Variants in TP63 observed in about 807,000 individuals in gnomAD.
The protein encoded by TP63 is tumor protein p63, also known as tumor protein 63.
A neutral mutation model predicts 82.8 loss-of-function variants in TP63; 17 were observed. The ratio of observed to expected loss-of-function variants is 0.21; its 90% confidence interval spans 0.14 to 0.31. The LOEUF is 0.31. TP63 is among the 10% of genes least tolerant of loss of function. The pLI is 1.00. For missense variants in TP63, 648 were observed against 895.3 expected (o/e 0.72, Z 3.52); for synonymous variants, 330 against 321.7 (o/e 1.03, Z -0.28).
At chr3:189,749,996 C>T (rs558618289) in intron 3 of TP63, among the ~76,000 whole-genome samples, 11 of 151,912 alleles carry the variant, frequency 7.2e-5, no homozygotes, top group Admixed American at 2.0e-4. Flanking sequence ...TGGCGGCAGG[C>T]GCCTATAGTC....
chr3:189,704,422 A>G (rs753978113), intron 1 of TP63, among the ~76,000 whole-genome samples: 1 of 152,230 alleles, frequency 6.6e-6, no homozygotes, highest in Non-Finnish European at 1.5e-5. Flanking sequence ...TTTAAATAAT[A>G]TCTACCTATT....
At chr3:189,847,373 A>G (rs999660494) in intron 4 of TP63, among the ~76,000 whole-genome samples, 3 of 138,608 alleles carry the variant, frequency 2.2e-5, no homozygotes. Flanking sequence ...AACAAAAATA[A>G]TCATCATCAT....
At chr3:189,731,857 A>G (rs1013236908) in intron 1 of TP63, among the ~76,000 whole-genome samples, 1 of 152,218 alleles carries the variant, frequency 6.6e-6, no homozygotes, top group East Asian at 1.9e-4. Flanking sequence ...CCCAAAGGTA[A>G]AGACTTGGAA....
rs183261388 is a variant in TP63, at chr3:189,649,710, A to G, written c.62+18133A>G. On this transcript the variant is annotated intron_variant, in intron 1 of 13. Transcript: ENST00000264731. The stretch of plus-strand genomic sequence containing the variant: ...CAGATTAAGAGACTCAATGAATTCA[A>G]CTGCATTTTAGAGATCTGAGCGACA... Among the ~76,000 whole-genome samples the G allele has an allele frequency of 1.5e-4, 22 of 146,806 alleles. 1 individual carries two copies. The highest frequency in any genetic ancestry group is 2.1e-4 in the Non-Finnish European group (14 of 67,272).
At chr3:189,868,383 A>G (rs1202908330) in intron 7 of TP63, among the ~76,000 whole-genome samples, 197 bp from the exon 8 acceptor site, 4 of 152,264 alleles carry the variant, frequency 2.6e-5, no homozygotes, top group Non-Finnish European at 5.9e-5. Context: ...ATGGAATGTT[A>G]TTTACTAATA....
chr3:189,889,359 C>T lies in TP63; in HGVS notation c.1527C>T (p.His509=), dbSNP rs1720780438. ...MGANIPMMGT[H]MPMAGDMNGL... ...GTTCAGTTCCCATGATGGGCACCCA[C>T]ATGCCAATGGCTGGAGACATGAATG... is the stretch of plus-strand genomic sequence containing the variant. The change falls in exon 12 of 14, where the codon CAC becomes CAT. Residue 509 remains histidine (H), a synonymous_variant. Coordinates refer to ENST00000264731, the MANE Select transcript of TP63 (RefSeq NM_003722.5). The T allele has an allele frequency of 1.2e-6, 2 of 1,614,058 alleles. No homozygotes were observed. The highest frequency in any genetic ancestry group is 1.3e-5 in the African/African-American group (1 of 74,922).
At chr3:189,758,461 A>G (rs1039997188) in intron 3 of TP63, among the ~76,000 whole-genome samples, 1 of 152,216 alleles carries the variant, frequency 6.6e-6, no homozygotes. Context: ...GCCCACCCCA[A>G]GGAATAATCA....
chr3:189,842,414 G>C (rs1214406463), intron 4 of TP63, among the ~76,000 whole-genome samples: 1 of 152,198 alleles, frequency 6.6e-6, no homozygotes, highest in Non-Finnish European at 1.5e-5. Context: ...AACTTCTGGT[G>C]TGATATTTTC....
chr3:189,881,882 A>C (rs761718340), intron 10 of TP63, among the ~76,000 whole-genome samples: 45 of 152,198 alleles, frequency 3.0e-4, no homozygotes, highest in Admixed American at 9.8e-4. Context: ...GTTTTAAATA[A>C]CATGGCTTCT....
intron 3 of TP63, among the ~76,000 whole-genome samples, chr3:189,770,301 G>A (rs1042129934): frequency 2.4e-4 from 36 of 152,182 alleles, no homozygotes; most frequent in African/African-American, 7.9e-4. Context: ...ATTTTGGGCC[G>A]GGTATGGTGA....
intron 4 of TP63, among the ~76,000 whole-genome samples, chr3:189,828,284 T>C (rs1177248823): frequency 2.0e-5 from 3 of 150,662 alleles, no homozygotes; most frequent in Non-Finnish European, 4.4e-5. Flanking sequence ...TACGGAGATA[T>C]GGGCAGGCAA....
At chr3:189,881,278 T>A in intron 10 of TP63, 1 of 985,404 alleles carries the variant, frequency 1.0e-6, no homozygotes, top group Non-Finnish European at 1.2e-6. Context: ...TTCTTTTTTT[T>A]ACTCAAAAGT....
chr3:189,753,280 C>A (rs760524117), intron 3 of TP63, among the ~76,000 whole-genome samples: 1 of 152,028 alleles, frequency 6.6e-6, no homozygotes, highest in African/African-American at 2.4e-5. Context: ...GTCTTTCTCT[C>A]CTATCAAATA....
chr3:189,689,654 G>C (rs1266688972), intron 1 of TP63, among the ~76,000 whole-genome samples: 1 of 152,074 alleles, frequency 6.6e-6, no homozygotes, highest in Admixed American at 6.6e-5. Context: ...GTATTCAAAA[G>C]GGTCATGCCT....
intron 1 of TP63, among the ~76,000 whole-genome samples, chr3:189,695,536 G>A (rs757738944): frequency 3.0e-4 from 45 of 152,152 alleles, no homozygotes; most frequent in Non-Finnish European, 5.6e-4. Flanking sequence ...GCTGCTGGGT[G>A]TTGTTGCTTC....
At chr3:189,653,856 G>C (rs1481605729) in intron 1 of TP63, among the ~76,000 whole-genome samples, 4 of 151,992 alleles carry the variant, frequency 2.6e-5, no homozygotes, top group Non-Finnish European at 5.9e-5. Flanking sequence ...TATGTTTAAG[G>C]GATTAAATCT....
At chr3:189,820,096 A>G (rs1248055936) in intron 4 of TP63, among the ~76,000 whole-genome samples, 1 of 152,204 alleles carries the variant, frequency 6.6e-6, no homozygotes, top group Non-Finnish European at 1.5e-5. Context: ...ATACTTTTGT[A>G]TGCAAATGTA....
intron 1 of TP63, among the ~76,000 whole-genome samples, chr3:189,678,724 CA>C (rs1715658908): frequency 6.6e-6 from 1 of 151,884 alleles, no homozygotes; most frequent in Non-Finnish European, 1.5e-5. Context: ...GAGCATGTGA[CA>C]TTTTTCCATG....
At chr3:189,725,739 A>G (rs774895422) in intron 1 of TP63, among the ~76,000 whole-genome samples, 78 of 152,190 alleles carry the variant, frequency 5.1e-4, no homozygotes, top group Non-Finnish European at 2.5e-4. Flanking sequence ...AGTGCAACAC[A>G]TACATAGCCA....
Sources: allele counts gnomAD v4.1 joint callset (sites outside exome capture counted in the v4.1 genomes callset), GRCh38; gene constraint gnomAD v4.1.1; transcripts MANE v1.5; gene names NCBI Gene and HGNC (gene_info 2026-07-23, HGNC 2026-07-21).